Variants in NR3C1 observed in about 807,000 individuals in gnomAD.
NR3C1 encodes glucocorticoid receptor.
In NR3C1, 14 loss-of-function variants were observed where a neutral mutation model predicts 74.0. The observed-to-expected ratio is 0.19, with a 90% CI of 0.12 to 0.30. The LOEUF (loss-of-function observed/expected upper bound fraction) is 0.30, where lower values mean the gene tolerates loss of function less well. Among genes scored for constraint, NR3C1 ranks in the 10% least tolerant of loss-of-function variants. The pLI, the probability that NR3C1 is intolerant of heterozygous loss-of-function variation, is 1.00. For synonymous variants in NR3C1, 308 were observed against 332.5 expected (o/e 0.93, Z 0.80); for missense variants, 695 against 909.8 (o/e 0.76, Z 3.04).
chr5:143,314,359 G>T (rs61753480), intron 2 of NR3C1, among the ~76,000 whole-genome samples, 191 bp from the exon 3 acceptor site: 71 of 150,942 alleles, frequency 4.7e-4, no homozygotes, highest in Non-Finnish European at 9.3e-4. Flanking sequence ...AATTAAGAAT[G>T]AGGTCATTTC....
At chr5:143,307,132 G>A (rs1056948403) in intron 4 of NR3C1, among the ~76,000 whole-genome samples, 11 of 151,980 alleles carry the variant, frequency 7.2e-5, no homozygotes, top group Admixed American at 2.6e-4. Flanking sequence ...TCCTGACCTC[G>A]TGATCCACCT....
At chr5:143,295,784 A>ATAGAC (rs1278999529) in intron 6 of NR3C1, among the ~76,000 whole-genome samples, 194 bp from the exon 7 acceptor site, 1 of 152,234 alleles carries the variant, frequency 6.6e-6, no homozygotes, top group African/African-American at 2.4e-5. Context: ...GGCTGTTTAA[A>ATAGAC]TAGACTAATG....
intron 2 of NR3C1, among the ~76,000 whole-genome samples, chr5:143,342,758 T>A (rs1446583470): frequency 6.6e-6 from 1 of 152,190 alleles, no homozygotes; most frequent in Non-Finnish European, 1.5e-5. Context: ...TGTGTTTTCA[T>A]GAAGCTTCAA....
At chr5:143,323,814 A>G (rs1170569156) in intron 2 of NR3C1, among the ~76,000 whole-genome samples, 1 of 152,084 alleles carries the variant, frequency 6.6e-6, no homozygotes, top group East Asian at 1.9e-4. Context: ...CACAGGTTAA[A>G]TACAGCTGTT....
intron 4 of NR3C1, among the ~76,000 whole-genome samples, chr5:143,303,227 A>G (rs1599786239): frequency 9.5e-6 from 1 of 105,022 alleles, no homozygotes; most frequent in East Asian, 3.4e-4. Context: ...TCTAGGGTTT[A>G]TGTGTGTGTG....
chr5:143,294,183 TCA>T (rs1816609467), intron 7 of NR3C1: 6 of 984,990 alleles, frequency 6.1e-6, no homozygotes, highest in Non-Finnish European at 7.2e-6. Context: ...TTAAATAAAA[TCA>T]CAGTCTTGTG....
At chr5:143,404,468 A>C, upstream of NR3C1, 1 of 985,050 alleles carries the variant, frequency 1.0e-6, no homozygotes, top group Non-Finnish European at 1.2e-6. Context: ...GCGCTCTCGC[A>C]CTGGGAGAGA....
At chr5:143,367,024 G>A (rs1833339499) in intron 2 of NR3C1, among the ~76,000 whole-genome samples, 1 of 151,932 alleles carries the variant, frequency 6.6e-6, no homozygotes, top group Admixed American at 6.6e-5. Context: ...ACAAAATACT[G>A]GCAAACTGAA....
intron 7 of NR3C1, among the ~76,000 whole-genome samples, chr5:143,289,072 C>CAA (rs369191318): frequency 1.1e-3 from 80 of 70,424 alleles, no homozygotes; most frequent in African/African-American, 1.8e-3. Flanking sequence ...GACTCCATCT[C>CAA]AAAAAAAAAA....
At chr5:143,412,246 C>T (rs548114823) in intron 1 of NR3C1, among the ~76,000 whole-genome samples, 1 of 126,194 alleles carries the variant, frequency 7.9e-6, no homozygotes, top group Non-Finnish European at 1.5e-5. Context: ...AGTCAAATGT[C>T]GAATTGCCTC....
rs767750427 is a variant in NR3C1 at position 143,295,523 on chromosome 5, G to A, written c.1960C>T (p.His654Tyr). The A allele has an allele frequency of 3.1e-6, 5 of 1,613,322 alleles. No individual in the cohort carries two copies. Among genetic ancestry groups the A allele is most frequent in the East Asian group, 2.2e-5 (1 of 44,798 alleles). Residue 654 changes from histidine to tyrosine, a missense_variant, in exon 7 of 9, where the codon CAC (histidine) becomes TAC (tyrosine). This residue lies in a region of NR3C1 where 133 missense variants were observed against 287.9 expected (regional missense o/e 0.46). Coordinates refer to ENST00000394464, the MANE Select transcript of NR3C1 (RefSeq NM_000176.3). ...KHMLYVSSEL[H>Y]RLQVSYEEYL... ...TCTTCATAAGATACCTGAAGCCTGT[G>A]TAACTCAGAGGAAACATACAGCATG...
intron 2 of NR3C1, among the ~76,000 whole-genome samples, chr5:143,392,177 G>C (rs1050547225): frequency 6.6e-6 from 1 of 152,118 alleles, no homozygotes; most frequent in South Asian, 2.1e-4. Context: ...GTGTTAGCCA[G>C]GATGGTCTCA....
At chr5:143,333,223 T>C in intron 2 of NR3C1, 1 of 1,473,272 alleles carries the variant, frequency 6.8e-7, no homozygotes, top group East Asian at 2.3e-5. Context: ...AATCAGCTCA[T>C]CCGTCAGCTG....
At chr5:143,389,764 G>A (rs1837905125) in intron 2 of NR3C1, 2 of 159,658 alleles carry the variant, frequency 1.3e-5, no homozygotes. Flanking sequence ...TTAGTGATGA[G>A]AAGCATTTGC....
intron 2 of NR3C1, among the ~76,000 whole-genome samples, chr5:143,392,500 T>A (rs1487425572): frequency 6.6e-6 from 1 of 152,154 alleles, no homozygotes; most frequent in Non-Finnish European, 1.5e-5. Flanking sequence ...TCCCTTCAGA[T>A]AAGTGTTAAG....
intron 2 of NR3C1, chr5:143,333,003 G>A: frequency 6.3e-7 from 1 of 1,587,344 alleles, no homozygotes; most frequent in East Asian, 2.2e-5. Context: ...CCCTCTGACA[G>A]ACAACACAGT....
intron 2 of NR3C1, among the ~76,000 whole-genome samples, chr5:143,322,970 T>G (rs1823689825): frequency 6.6e-6 from 1 of 152,218 alleles, no homozygotes; most frequent in Non-Finnish European, 1.5e-5. Context: ...GGAATAATCT[T>G]AGGTACAGGA....
chr5:143,346,860 A>G (rs934457625), intron 2 of NR3C1, among the ~76,000 whole-genome samples: 1 of 152,234 alleles, frequency 6.6e-6, no homozygotes, highest in Non-Finnish European at 1.5e-5. Context: ...ACAAAATCAA[A>G]TAAGATTCTT....
At chr5:143,368,294 A>T (rs1833621723) in intron 2 of NR3C1, among the ~76,000 whole-genome samples, 1 of 152,226 alleles carries the variant, frequency 6.6e-6, no homozygotes. Context: ...TTAGATGAAA[A>T]CATAGGTGAA....
Sources: allele counts gnomAD v4.1 joint callset (sites outside exome capture counted in the v4.1 genomes callset), GRCh38; gene constraint gnomAD v4.1.1; regional missense constraint gnomAD v4.1.1; transcripts MANE v1.5; gene names NCBI Gene and HGNC (gene_info 2026-07-23, HGNC 2026-07-21).